Variants in TLL1 observed in about 807,000 individuals in gnomAD.
TLL1 encodes tolloid-like protein 1.
TLL1 carries 49 observed loss-of-function variants against 128.2 expected under a neutral mutation model. The ratio of observed to expected loss-of-function variants is 0.38; its 90% CI spans 0.30 to 0.48. The LOEUF is 0.48. Among genes scored for constraint, TLL1 ranks in the 20% least tolerant of loss-of-function variants. The pLI, the probability that TLL1 is intolerant of heterozygous loss-of-function variation, is 0.96. For synonymous variants in TLL1, 454 were observed against 418.8 expected, an observed-to-expected ratio of 1.08 and a Z score of -1.03; for missense variants, 1,123 against 1,242.0, an observed-to-expected ratio of 0.90 and a Z score of 1.44.
chr4:166,094,378 AT>A (rs1741924013), intron 19 of TLL1, among the ~76,000 whole-genome samples: 1 of 152,172 alleles, frequency 6.6e-6, no homozygotes, highest in African/African-American at 2.4e-5. Flanking sequence ...TAAAACTGTC[AT>A]TCTTATTAGG....
At chr4:166,050,747 T>C (rs1373510628) in intron 12 of TLL1, among the ~76,000 whole-genome samples, 3 of 152,156 alleles carry the variant, frequency 2.0e-5, no homozygotes, top group Admixed American at 1.3e-4. Flanking sequence ...CACTAAACTC[T>C]GTACAGGTTG....
At position 166,030,850 on chromosome 4, in the gene TLL1, T is replaced by G. The variant is rs187951212; in HGVS notation, c.1158+5419T>G. On this transcript the variant is annotated intron_variant, in intron 9 of 20. Coordinates refer to ENST00000061240, the MANE Select transcript of TLL1 (RefSeq NM_012464.5). ...ATTTTTTAAATTAGCGTTTTTGTTT[T>G]TTTCTGTTTGAAAATGTGGATTTTT... 8.4e-5 allele frequency: 84 copies of G among 999,260 alleles called. No homozygotes were observed. The African/African-American group carries it at 1.2e-3, about 14-fold the overall frequency. 61.9% of individuals were successfully genotyped at this position (999,260 alleles called of 1,614,324 possible). A position where few individuals can be genotyped will look rare whatever the true frequency, so the allele number is the denominator to read the frequency against.
chr4:165,949,026 G>A (rs1250458082), intron 1 of TLL1, among the ~76,000 whole-genome samples: 3 of 152,046 alleles, frequency 2.0e-5, no homozygotes, highest in African/African-American at 4.8e-5. Context: ...ATTAAAATAG[G>A]AAGATTATCC....
intron 1 of TLL1, among the ~76,000 whole-genome samples, chr4:165,969,893 G>A (rs550277056): frequency 6.6e-6 from 1 of 152,056 alleles, no homozygotes; most frequent in African/African-American, 2.4e-5. Flanking sequence ...ATCATATCAA[G>A]TATATTAGAA....
intron 1 of TLL1, among the ~76,000 whole-genome samples, chr4:165,987,547 A>G (rs929529566): frequency 1.4e-4 from 22 of 152,122 alleles, no homozygotes; most frequent in Non-Finnish European, 1.0e-4. Context: ...GAAAGTAAGC[A>G]TTTCTTTGCT....
chr4:166,075,408 G>A (rs976687723), intron 17 of TLL1, among the ~76,000 whole-genome samples: 1 of 152,104 alleles, frequency 6.6e-6, no homozygotes, highest in Admixed American at 6.6e-5. Context: ...CATAAGTGAT[G>A]TCCCTTTAAA....
intron 1 of TLL1, among the ~76,000 whole-genome samples, chr4:165,959,435 G>C (rs181045791): frequency 0.013 from 1,945 of 152,112 alleles, 49 homozygotes; most frequent in African/African-American, 0.045. Context: ...CATGTCCTTT[G>C]TAAGTTGGAT....
intron 6 of TLL1, 62 bp downstream of exon 6, chr4:166,003,631 C>A: frequency 6.5e-7 from 1 of 1,543,570 alleles, no homozygotes; most frequent in Non-Finnish European, 8.9e-7. Flanking sequence ...TGTATTTATG[C>A]AGTTTATTAT....
chr4:166,037,570 G>C (rs1739058879), intron 9 of TLL1, among the ~76,000 whole-genome samples: 1 of 152,146 alleles, frequency 6.6e-6, no homozygotes, highest in Non-Finnish European at 1.5e-5. Context: ...GAGTTTGGGA[G>C]GCTGAGGCTG....
chr4:165,962,031 C>T (rs1479438400), intron 1 of TLL1, among the ~76,000 whole-genome samples: 1 of 151,830 alleles, frequency 6.6e-6, no homozygotes, highest in Non-Finnish European at 1.5e-5. Flanking sequence ...AAATTTATGG[C>T]TATGTTCTAA....
intron 9 of TLL1, chr4:166,030,725 G>A (rs1738730052): frequency 2.5e-6 from 3 of 1,178,016 alleles, no homozygotes; most frequent in Non-Finnish European, 3.1e-6. Context: ...AACACCATTT[G>A]TTAAAGATTT....
intron 9 of TLL1, among the ~76,000 whole-genome samples, chr4:166,034,693 A>G (rs1738918802): frequency 6.6e-6 from 1 of 152,166 alleles, no homozygotes; most frequent in Admixed American, 6.6e-5. Context: ...ATAGAATATC[A>G]CCTATAGGAT....
At chr4:165,885,736 G>T (rs117455393) in intron 1 of TLL1, among the ~76,000 whole-genome samples, 1 of 152,116 alleles carries the variant, frequency 6.6e-6, no homozygotes, top group Non-Finnish European at 1.5e-5. Flanking sequence ...GGAAAAAAAT[G>T]GATTGGTATA....
chr4:165,982,736 T>TAAAAAAAAAAAAAAA (rs5863791), intron 1 of TLL1, among the ~76,000 whole-genome samples: 1 of 137,798 alleles, frequency 7.3e-6, no homozygotes, highest in Non-Finnish European at 1.6e-5. Context: ...GCAATGTATG[T>TAAAAAAAAAAAAAAA]AAAAAAAAAA....
At chr4:166,035,487 A>T (rs1276253829) in intron 9 of TLL1, among the ~76,000 whole-genome samples, 2 of 152,176 alleles carry the variant, frequency 1.3e-5, no homozygotes, top group Admixed American at 6.6e-5. Flanking sequence ...TAAGCCTGAT[A>T]TGGTGACCTC....
In TLL1 at chr4:166,012,178, A is replaced by G. The variant is rs1223715876; in HGVS notation, c.918-2258A>G. On this transcript the variant is annotated intron_variant, in intron 7 of 20. Transcript: ENST00000061240. ...AAAGTATAGCTGATTTGCTCTTTCA[A>G]TGTAGTTAGAACAAATCAAGAATAG... Among the ~76,000 whole-genome samples, 3 of 151,576 alleles carry G rather than the reference A, an allele frequency of 2.0e-5. No individual in the cohort carries two copies. In the South Asian group the frequency reaches 6.2e-4, roughly 31 times the overall value.
chr4:166,027,853 C>G (rs1431762518), intron 9 of TLL1, among the ~76,000 whole-genome samples: 1 of 152,086 alleles, frequency 6.6e-6, no homozygotes, highest in African/African-American at 2.4e-5. Context: ...TTCCAAAACT[C>G]TCGCCATTAG....
chr4:165,921,257 CTT>C (rs1192896568), intron 1 of TLL1, among the ~76,000 whole-genome samples: 3 of 152,136 alleles, frequency 2.0e-5, no homozygotes, highest in African/African-American at 7.2e-5. Flanking sequence ...TAGAACAAAA[CTT>C]TTATAAAAAT....
At chr4:165,996,746 A>G (rs1736899688) in intron 5 of TLL1, among the ~76,000 whole-genome samples, 1 of 151,920 alleles carries the variant, frequency 6.6e-6, no homozygotes, top group African/African-American at 2.4e-5. Flanking sequence ...CATGTATTTC[A>G]ATTATTTTAG....
Sources: gnomAD v4.1 joint callset for allele counts (sites outside exome capture counted in the v4.1 genomes callset) on GRCh38, gnomAD v4.1.1 for gene constraint, MANE v1.5 for transcripts, NCBI Gene and HGNC (gene_info 2026-07-23, HGNC 2026-07-21) for gene names.